The following DUOX1 variants were observed in gnomAD, a reference collection of about 807,000 sequenced individuals.
DUOX1 encodes NADPH thyroid oxidase 1.
DUOX1 carries 134 observed loss-of-function variants against 181.8 expected under a neutral mutation model. The observed-to-expected ratio is 0.74, with a 90% CI of 0.64 to 0.85. The LOEUF (loss-of-function observed/expected upper bound fraction) is 0.85, where lower values mean the gene tolerates loss of function less well. Ranked by LOEUF, DUOX1 falls within the 40% of genes least tolerant of loss-of-function variation. DUOX1 has a pLI of 0.00. For missense variants in DUOX1, 1,814 were observed against 2,064.4 expected (o/e 0.88, Z 2.35); for synonymous variants, 798 against 832.5 (o/e 0.96, Z 0.71).
At position 45,162,230 on chromosome 15, in the gene DUOX1, T is replaced by G; in HGVS notation, c.4101T>G (p.Asp1367Glu). The stretch of plus-strand genomic sequence containing the variant: ...GCCCCTCCCTACAGCTGTACCTTGA[T>G]GGACCATTTGGAGAGGGCCACCAGG... ...RCARYPKLYL[D>E]GPFGEGHQEW... Residue 1367 changes from aspartate (D) to glutamate (E), a missense_variant, in exon 31 of 34, where the codon GAT becomes GAG. Physicochemically the swap from Asp to Glu is conservative, Grantham distance 45 (BLOSUM62 2). Around this residue, in one of 5 missense-constraint regions of DUOX1, gnomAD observed 279 missense variants for 381.9 expected, o/e 0.73. Transcript: ENST00000389037. 1 of 1,609,600 alleles carries G rather than the reference T, an allele frequency of 6.2e-7. No individual in the cohort carries two copies. Among genetic ancestry groups the G allele is most frequent in the Non-Finnish European group, 8.5e-7 (1 of 1,177,394 alleles).
chr15:45,136,302 C>A (rs1166351472), intron 7 of DUOX1, 48 bp from the exon 8 acceptor site: 3 of 1,611,788 alleles, frequency 1.9e-6, no homozygotes, highest in Admixed American at 3.3e-5. Flanking sequence ...CCTTCCAGGT[C>A]CCTCCCCATC....
At chr15:45,139,021 C>A in intron 10 of DUOX1, 45 bp from the exon 11 acceptor site, 1 of 1,562,208 alleles carries the variant, frequency 6.4e-7, no homozygotes. Context: ...TAACCTCTGA[C>A]CCCATTAACC....
intron 10 of DUOX1, chr15:45,138,581 T>TAAACA (rs1896400603): frequency 6.3e-6 from 1 of 159,086 alleles, no homozygotes; most frequent in Non-Finnish European, 1.4e-5. Context: ...TTGTGTAAAG[T>TAAACA]GTTTACTAAG....
Position 45,139,417 on chromosome 15 carries a change from T to A in DUOX1, c.1217-10T>A. The stretch of plus-strand genomic sequence containing the variant: ...GAGCTCCCTCAGACTGTCTGGTATC[T>A]TGTCTCCAGATTTCTGGCCTGGGCC... On this transcript the variant is annotated splice_polypyrimidine_tract_variant and intron_variant, in intron 11 of 33. Transcript: ENST00000389037. 1 of 1,612,080 alleles carries A rather than the reference T, an allele frequency of 6.2e-7. No individual in the cohort carries two copies. Among genetic ancestry groups the A allele is most frequent in the Non-Finnish European group, 8.5e-7 (1 of 1,179,468 alleles).
In DUOX1 at chr15:45,135,487, C is replaced by G. The variant is rs1416931350; in HGVS notation, c.509C>G (p.Thr170Arg). ...CGTGCCCCGCAGGCCAACCAGGTGA[C>G]GGGCTGGCTGGACGGCAGCGCCATC... ...SNPRDPANQV[T>R]GWLDGSAIYG... is the part of the protein sequence containing the mutation. The change falls in exon 6 of 34, where the codon ACG becomes AGG. Residue 170 changes from threonine (T) to arginine (R), a missense_variant. Around this residue, in one of 5 missense-constraint regions of DUOX1, gnomAD observed 320 missense variants for 313.1 expected, o/e 1.02. Transcript: ENST00000389037. 1.3e-6 allele frequency: 2 copies of G among 1,554,288 alleles called. No individual in the cohort carries two copies. Among genetic ancestry groups the G allele is most frequent in the African/African-American group, 2.7e-5 (2 of 73,310 alleles).
chr15:45,161,954 G>A lies in DUOX1; in HGVS notation c.4073G>A (p.Cys1358Tyr), dbSNP rs771717273. 5 of 1,612,524 alleles carry A rather than the reference G, an allele frequency of 3.1e-6. No individual in the cohort carries two copies. In the Admixed American group the frequency reaches 5.0e-5, roughly 16 times the overall value. Residue 1358 changes from cysteine (C) to tyrosine (Y), a missense_variant, in exon 30 of 34, where the codon TGT (cysteine) becomes TAT (tyrosine). Around this residue, in one of 5 missense-constraint regions of DUOX1, gnomAD observed 279 missense variants for 381.9 expected, o/e 0.73. Transcript: ENST00000389037. ...TACTCAGCCCCGACGGGTGACAGAT[G>A]TGCCAGATACCCAAAGGTACCAGAC... The part of the protein sequence containing the change: ...EIYSAPTGDR[C>Y]ARYPKLYLDG...
At chr15:45,151,374 C>G in intron 23 of DUOX1, 126 bp downstream of exon 23, 1 of 1,203,776 alleles carries the variant, frequency 8.3e-7, no homozygotes, top group Non-Finnish European at 1.2e-6. Context: ...AGTCCTTGCC[C>G]AAGAACATCA....
intron 20 of DUOX1, 39 bp from the exon 21 acceptor site, chr15:45,148,233 C>T (rs538880480): frequency 1.2e-6 from 2 of 1,612,800 alleles, no homozygotes; most frequent in South Asian, 2.2e-5. Context: ...GGTCGCAGGC[C>T]CCAGTCAGGG....
chr15:45,152,456 C>T lies in DUOX1; in HGVS notation c.3364C>T (p.Pro1122Ser), dbSNP rs1400096182. The change falls in exon 25 of 34, where the codon CCC becomes TCC. Residue 1122 changes from proline to serine, a missense_variant. Pro to Ser is a moderately conservative substitution (Grantham distance 74, BLOSUM62 -1). This residue lies in a region of DUOX1 where 1,064 missense variants were observed against 1,152.9 expected (regional missense o/e 0.92). Coordinates refer to ENST00000389037, the MANE Select transcript of DUOX1 (RefSeq NM_175940.3). ...LRETFLNRYV[P>S]FDAAVDFHRL... The stretch of plus-strand genomic sequence containing the variant: ...AGAAACCTTCCTCAACCGCTACGTG[C>T]CCTTCGACGCCGCCGTGGACTTCCA... 1 of 1,614,220 alleles carries T rather than the reference C, an allele frequency of 6.2e-7. No homozygotes were observed. Among genetic ancestry groups the T allele is most frequent in the Non-Finnish European group, 8.5e-7 (1 of 1,180,046 alleles).
chr15:45,159,444 A>C (rs187056223), intron 28 of DUOX1, among the ~76,000 whole-genome samples: 109 of 152,346 alleles, frequency 7.2e-4, no homozygotes, highest in African/African-American at 2.6e-3. Context: ...CAGGCTTCTA[A>C]GAGTAGGAGC....
intron 12 of DUOX1, chr15:45,140,076 G>T: frequency 7.3e-7 from 1 of 1,369,348 alleles, no homozygotes; most frequent in South Asian, 1.1e-5. Context: ...CAAACCAGTA[G>T]CGGTCACCAT....
Position 45,155,821 on chromosome 15 carries a change from GCTC to G in DUOX1, c.3597_3599del (p.Leu1200del), listed in dbSNP as rs1896956132. The stretch of plus-strand genomic sequence containing the variant: ...TTGCAGGCCTCACGGGGGTTGTGCT[GCTC>G]CTGATCCTGGCCATCATGTATGTCT... On this transcript the variant is annotated inframe_deletion, in exon 28 of 34. Coordinates refer to ENST00000389037, the MANE Select transcript of DUOX1 (RefSeq NM_175940.3). The G allele has an allele frequency of 6.2e-7, 1 of 1,613,816 alleles. No individual in the cohort carries two copies. The highest frequency in any genetic ancestry group is 1.7e-5 in the Admixed American group (1 of 59,990).
At chr15:45,164,480 T>TA (rs1223887051) in intron 33 of DUOX1, among the ~76,000 whole-genome samples, 2 of 151,648 alleles carry the variant, frequency 1.3e-5, no homozygotes, top group African/African-American at 2.4e-5. Flanking sequence ...TTTTTTTTTT[T>TA]AATTTAAAGA....
At chr15:45,137,409 GTATGTA>G (rs1186461290) in intron 9 of DUOX1, among the ~76,000 whole-genome samples, 1 of 142,974 alleles carries the variant, frequency 7.0e-6, no homozygotes, top group Non-Finnish European at 1.5e-5. Context: ...TAATGTATAT[GTATGTA>G]TATGTATATG....
Position 45,163,616 on chromosome 15 carries a change from C to T in DUOX1, c.4333C>T (p.Gln1445Ter), listed in dbSNP as rs1897158420. 1 of 1,614,046 alleles carries T rather than the reference C, an allele frequency of 6.2e-7. No homozygotes were observed. Among genetic ancestry groups the T allele is most frequent in the Admixed American group, 1.7e-5 (1 of 60,002 alleles). ...IIREVEENDHQDLVSVHIYIT... is the reference protein window; with the variant it reads ...IIREVEENDH ...CCGAGAGGTGGAGGAGAATGACCACCAGGACCTGGTGTCTGTGCACATCTA... is the reference window on the plus strand; with the variant it reads ...CCGAGAGGTGGAGGAGAATGACCACTAGGACCTGGTGTCTGTGCACATCTA... The change falls in exon 32 of 34, where the codon CAG (glutamine) becomes TAG (stop). Residue 1445 changes from glutamine (Q) to a stop codon, truncating the protein, a stop_gained. Coordinates refer to ENST00000389037, the MANE Select transcript of DUOX1 (RefSeq NM_175940.3). LOFTEE classifies it high-confidence loss of function.
chr15:45,136,266 C>A, intron 7 of DUOX1, 84 bp from the exon 8 acceptor site: 1 of 1,599,718 alleles, frequency 6.3e-7, no homozygotes, highest in Non-Finnish European at 8.5e-7. Context: ...CTCATCTCCA[C>A]ACGGAAGCCG....
At chr15:45,134,368 G>A in intron 4 of DUOX1, 59 bp downstream of exon 4, 2 of 1,502,350 alleles carry the variant, frequency 1.3e-6, no homozygotes, top group Non-Finnish European at 1.8e-6. Context: ...ACCTCTGCAT[G>A]TGAAGAGGGG....
At position 45,159,085 on chromosome 15, in the gene DUOX1, G is replaced by A. The variant is rs535301673; in HGVS notation, c.3703-1752G>A. On this transcript the variant is annotated intron_variant, in intron 28 of 33. Transcript: ENST00000389037. ...AATCCAGGTAAAAGGAAGGGCATGA[G>A]CACAGGCAGAGGTGGGAATGGTGAT... Among the ~76,000 whole-genome samples the A allele has an allele frequency of 2.6e-5, 4 of 152,334 alleles. No individual in the cohort carries two copies. The South Asian group carries it at 8.3e-4, about 32-fold the overall frequency.
In DUOX1 at chr15:45,152,430, G is replaced by C. The variant is rs774381100; in HGVS notation, c.3338G>C (p.Arg1113Pro). The stretch of plus-strand genomic sequence containing the variant: ...TGCCGCAACCTCATCACCTTCCTGC[G>C]AGAAACCTTCCTCAACCGCTACGTG... ...TMCRNLITFLRETFLNRYVPF... is the reference protein window; with the variant it reads ...TMCRNLITFLPETFLNRYVPF... The change falls in exon 25 of 34, where the codon CGA (arginine) becomes CCA (proline). Residue 1113 changes from arginine to proline, a missense_variant. By Grantham distance (103) the Arg-to-Pro change is moderately radical. Around this residue, in one of 5 missense-constraint regions of DUOX1, gnomAD observed 1,064 missense variants for 1,152.9 expected, o/e 0.92. Transcript: ENST00000389037. 4 of 1,614,170 alleles carry C rather than the reference G, an allele frequency of 2.5e-6. No homozygotes were observed. The highest frequency in any genetic ancestry group is 3.4e-6 in the Non-Finnish European group (4 of 1,180,024).
Sources: allele counts gnomAD v4.1 joint callset (sites outside exome capture counted in the v4.1 genomes callset), GRCh38; gene constraint gnomAD v4.1.1; regional missense constraint gnomAD v4.1.1; transcripts MANE v1.5; gene names NCBI Gene and HGNC (gene_info 2026-07-23, HGNC 2026-07-21).